The following FRMD3 variants were observed in gnomAD, a reference collection of about 807,000 sequenced individuals.
The protein encoded by FRMD3 is FERM domain-containing protein 3.
A neutral mutation model predicts 70.2 loss-of-function variants in FRMD3; 33 were observed. The ratio of observed to expected loss-of-function variants is 0.47; its 90% confidence interval spans 0.36 to 0.63. The LOEUF (loss-of-function observed/expected upper bound fraction) is 0.63. Ranked by LOEUF, FRMD3 falls within the 20% of genes least tolerant of loss-of-function variation. The probability of loss-of-function intolerance (pLI) is 0.00; values close to 1 mark genes in which losing one functional copy is unlikely to be tolerated. For synonymous variants in FRMD3, 279 were observed against 255.9 expected (o/e 1.09, Z -0.86); for missense variants, 632 against 711.4 (o/e 0.89, Z 1.27).
chr9:83,514,879 GT>G (rs1451795216), intron 1 of FRMD3, among the ~76,000 whole-genome samples: 2 of 152,190 alleles, frequency 1.3e-5, no homozygotes, highest in African/African-American at 4.8e-5. Flanking sequence ...AGGCATGACT[GT>G]TAGAAGGAAA....
At chr9:83,273,025 C>G (rs1320645205) in intron 13 of FRMD3, among the ~76,000 whole-genome samples, 4 of 139,280 alleles carry the variant, frequency 2.9e-5, no homozygotes, top group Admixed American at 1.4e-4. Context: ...CAGCCCCCAC[C>G]CAGCCAGCTG....
chr9:83,311,232 G>A (rs1232619239), intron 8 of FRMD3, among the ~76,000 whole-genome samples: 1 of 150,482 alleles, frequency 6.6e-6, no homozygotes, highest in African/African-American at 2.5e-5. Context: ...TCCCGCACAT[G>A]CCCATCTCAG....
chr9:83,499,499 T>G (rs1829015559), intron 1 of FRMD3, among the ~76,000 whole-genome samples: 1 of 152,190 alleles, frequency 6.6e-6, no homozygotes, highest in African/African-American at 2.4e-5. Flanking sequence ...CACTTTCCAC[T>G]CCTGCCTACC....
chr9:83,365,161 T>C (rs1824748456), intron 3 of FRMD3, among the ~76,000 whole-genome samples: 1 of 152,190 alleles, frequency 6.6e-6, no homozygotes, highest in South Asian at 2.1e-4. Context: ...TGCAAATGAG[T>C]CTTAAGAACA....
intron 13 of FRMD3, among the ~76,000 whole-genome samples, chr9:83,270,971 T>C (rs576001089): frequency 3.9e-5 from 6 of 152,098 alleles, no homozygotes; most frequent in South Asian, 2.1e-4. Context: ...TCCTCCCCAA[T>C]AGTAGCAGTA....
intron 1 of FRMD3, among the ~76,000 whole-genome samples, chr9:83,416,848 A>T (rs780460891): frequency 6.6e-6 from 1 of 150,668 alleles, no homozygotes; most frequent in Non-Finnish European, 1.5e-5. Context: ...CAGCAGGAAT[A>T]GTGTTCACTA....
chr9:83,427,489 T>C (rs17086263), intron 1 of FRMD3, among the ~76,000 whole-genome samples: 6,779 of 152,264 alleles, frequency 0.045, 206 homozygotes, highest in East Asian at 0.16. Context: ...ACATATTTAA[T>C]GGTAGACTTG....
chr9:83,418,257 CA>C (rs1481756739), intron 1 of FRMD3, among the ~76,000 whole-genome samples: 1 of 151,790 alleles, frequency 6.6e-6, no homozygotes, highest in African/African-American at 2.4e-5. Context: ...GCAAATGCAA[CA>C]AAAATAAAAA....
chr9:83,446,916 A>G (rs2131406082), intron 1 of FRMD3, among the ~76,000 whole-genome samples: 1 of 152,332 alleles, frequency 6.6e-6, no homozygotes, highest in East Asian at 1.9e-4. Flanking sequence ...AACTCTCAAC[A>G]ACAAATTACA....
intron 1 of FRMD3, among the ~76,000 whole-genome samples, chr9:83,469,445 G>A (rs1209138225): frequency 6.6e-6 from 1 of 152,162 alleles, no homozygotes; most frequent in African/African-American, 2.4e-5. Context: ...CACCTGCCAG[G>A]GAGAATTCGA....
rs199558570 is a variant in FRMD3 at position 83,372,902 on chromosome 9, T to A, written c.295+11A>T. The A allele has an allele frequency of 5.0e-6, 8 of 1,609,570 alleles. No homozygotes were observed. Among genetic ancestry groups the A allele is most frequent in the Non-Finnish European group, 6.8e-6 (8 of 1,176,208 alleles). ...ATTGTAGCAAAAGTAAAGTCACAGA[T>A]TGACACTTACTTTTCATTTGCTTGA... On this transcript the variant is annotated intron_variant, in intron 3 of 13. Transcript: ENST00000304195.
At chr9:83,529,750 A>ATG (rs1199422071) in intron 1 of FRMD3, among the ~76,000 whole-genome samples, 35 of 152,236 alleles carry the variant, frequency 2.3e-4, no homozygotes, top group Non-Finnish European at 4.4e-4. Flanking sequence ...CTTATTATAT[A>ATG]AAGGGTTTGT....
chr9:83,350,995 C>T (rs1824136662), intron 3 of FRMD3: 1 of 969,476 alleles, frequency 1.0e-6, no homozygotes, highest in Admixed American at 6.2e-5. Context: ...TTGGACATAC[C>T]ACTCATTTGC....
At chr9:83,492,642 C>A (rs1483750438) in intron 1 of FRMD3, among the ~76,000 whole-genome samples, 5 of 152,180 alleles carry the variant, frequency 3.3e-5, no homozygotes, top group African/African-American at 4.8e-5. Context: ...GGGGCAGGTG[C>A]CCCAACTCTC....
At chr9:83,494,044 T>C (rs1828886791) in intron 1 of FRMD3, among the ~76,000 whole-genome samples, 2 of 152,222 alleles carry the variant, frequency 1.3e-5, no homozygotes, top group South Asian at 4.1e-4. Flanking sequence ...CTATGGAGGC[T>C]GGAAAAACCA....
chr9:83,296,596 A>G (rs1834670543), intron 12 of FRMD3, among the ~76,000 whole-genome samples: 1 of 152,160 alleles, frequency 6.6e-6, no homozygotes, highest in Non-Finnish European at 1.5e-5. Flanking sequence ...TAAGGATGTG[A>G]ACTCAACAGT....
intron 1 of FRMD3, among the ~76,000 whole-genome samples, chr9:83,419,132 G>A (rs1040476488): frequency 4.6e-5 from 7 of 152,030 alleles, no homozygotes; most frequent in East Asian, 1.9e-4. Context: ...TTAGAGACTC[G>A]GAAGGGGAAG....
At chr9:83,275,814 A>G (rs1182420120) in intron 13 of FRMD3, 2 of 152,268 alleles carry the variant, frequency 1.3e-5, no homozygotes, top group Admixed American at 1.3e-4. Flanking sequence ...GAAACCTTCC[A>G]TAGCTGTCCA....
At chr9:83,339,321 T>TC (rs948913368) in intron 5 of FRMD3, among the ~76,000 whole-genome samples, 2 of 152,146 alleles carry the variant, frequency 1.3e-5, no homozygotes, top group African/African-American at 4.8e-5. Context: ...AATAAAGATT[T>TC]CTAGCTATTC....
Sources: allele counts gnomAD v4.1 joint callset (sites outside exome capture counted in the v4.1 genomes callset), GRCh38; gene constraint gnomAD v4.1.1; transcripts MANE v1.5; gene names NCBI Gene and HGNC (gene_info 2026-07-23, HGNC 2026-07-21).